POPDC1: variants seen among roughly 807,000 people sequenced by gnomAD.
POPDC1 encodes the protein popeye domain-containing protein 1.
At chr6:105,124,890 T>C in the POPDC1 span, among the ~76,000 whole-genome samples, 1 of 152,222 alleles carries the variant, frequency 6.6e-6, no homozygotes, top group Non-Finnish European at 1.5e-5. Context: ...TAGTGGTTAC[T>C]ATTGCTCTTC....
the POPDC1 span, among the ~76,000 whole-genome samples, chr6:105,110,381 G>A: frequency 6.6e-6 from 1 of 152,172 alleles, no homozygotes; most frequent in Non-Finnish European, 1.5e-5. Context: ...CCAGAAACCT[G>A]CTGCCTAATC....
chr6:105,111,807 T>G, the POPDC1 span, among the ~76,000 whole-genome samples: 1 of 152,204 alleles, frequency 6.6e-6, no homozygotes, highest in Non-Finnish European at 1.5e-5. Context: ...ACAGGTCACT[T>G]AGTTTCCCTC....
the POPDC1 span, among the ~76,000 whole-genome samples, chr6:105,117,687 G>A: frequency 2.6e-5 from 4 of 152,148 alleles, no homozygotes; most frequent in Non-Finnish European, 4.4e-5. Context: ...GCTTCATTAT[G>A]GCTTAAATCC....
chr6:105,106,569 G>A, the POPDC1 span, among the ~76,000 whole-genome samples: 3 of 152,214 alleles, frequency 2.0e-5, no homozygotes, highest in South Asian at 2.1e-4. Flanking sequence ...ATTCAGATAC[G>A]GCCAGCAGAG....
the POPDC1 span, among the ~76,000 whole-genome samples, chr6:105,123,505 A>G: frequency 6.6e-6 from 1 of 151,932 alleles, no homozygotes; most frequent in Admixed American, 6.6e-5. Flanking sequence ...GGTTCACGCC[A>G]TTCTCCTGCC....
chr6:105,115,297 T>C, the POPDC1 span, among the ~76,000 whole-genome samples: 1 of 152,110 alleles, frequency 6.6e-6, no homozygotes, highest in East Asian at 1.9e-4. Flanking sequence ...ACCGTATTAG[T>C]CAGGATGGTC....
the POPDC1 span, among the ~76,000 whole-genome samples, chr6:105,115,461 C>A: frequency 6.6e-6 from 1 of 152,206 alleles, no homozygotes; most frequent in African/African-American, 2.4e-5. Flanking sequence ...AACCAGTGAA[C>A]AATTTCAATT....
the POPDC1 span, among the ~76,000 whole-genome samples, chr6:105,104,940 C>T: frequency 6.6e-6 from 1 of 152,184 alleles, no homozygotes; most frequent in African/African-American, 2.4e-5. Context: ...AATTCACCCT[C>T]ACCACATCTG....
At chr6:105,134,223 C>T in the POPDC1 span, among the ~76,000 whole-genome samples, 2 of 151,878 alleles carry the variant, frequency 1.3e-5, no homozygotes, top group African/African-American at 4.8e-5. Flanking sequence ...CAACATGAAA[C>T]TTTTATTGTC....
chr6:105,114,406 T>C, the POPDC1 span, among the ~76,000 whole-genome samples: 10 of 152,238 alleles, frequency 6.6e-5, no homozygotes, highest in African/African-American at 2.4e-4. Flanking sequence ...ACACACCAAT[T>C]ATATGGCCTT....
the POPDC1 span, among the ~76,000 whole-genome samples, chr6:105,133,805 T>C: frequency 1.3e-5 from 2 of 152,186 alleles, no homozygotes; most frequent in Non-Finnish European, 2.9e-5. Context: ...ATTTGCCTTA[T>C]GATCAAATGA....
the POPDC1 span, among the ~76,000 whole-genome samples, chr6:105,108,285 A>G: frequency 9.9e-5 from 15 of 152,194 alleles, no homozygotes; most frequent in Admixed American, 9.2e-4. Flanking sequence ...CAGCTCAGAG[A>G]ATAATCCATC....
the POPDC1 span, among the ~76,000 whole-genome samples, chr6:105,127,807 C>T: frequency 2.0e-5 from 3 of 152,040 alleles, no homozygotes; most frequent in East Asian, 5.8e-4. Context: ...GTCACCCAGG[C>T]TGGAGTACAG....
chr6:105,136,339 G>C, the POPDC1 span: 1 of 152,226 alleles, frequency 6.6e-6, no homozygotes, highest in South Asian at 2.1e-4. Flanking sequence ...CCCAGCCATC[G>C]GCGCTCTCCC....
the POPDC1 span, among the ~76,000 whole-genome samples, chr6:105,127,892 T>A: frequency 6.6e-6 from 1 of 152,298 alleles, no homozygotes; most frequent in Admixed American, 6.5e-5. Context: ...TCTGAGTAGC[T>A]GGGACTACAG....
the POPDC1 span, chr6:105,117,005 C>T: frequency 8.1e-6 from 7 of 865,150 alleles, no homozygotes; most frequent in East Asian, 8.5e-5. Flanking sequence ...AAAAAGGAGA[C>T]TCAATGCACA....
the POPDC1 span, among the ~76,000 whole-genome samples, chr6:105,119,675 G>A: frequency 6.6e-6 from 1 of 152,342 alleles, no homozygotes; most frequent in Non-Finnish European, 1.5e-5. Context: ...CTCTGGAAAA[G>A]AGTGGGTGAA....
At chr6:105,098,277 GTCT>G in the POPDC1 span, 1 of 152,112 alleles carries the variant, frequency 6.6e-6, no homozygotes, top group Non-Finnish European at 1.5e-5. Context: ...ACACTTTTCT[GTCT>G]TCTTATCTGC....
the POPDC1 span, among the ~76,000 whole-genome samples, chr6:105,115,061 G>A: frequency 6.6e-6 from 1 of 152,240 alleles, no homozygotes; most frequent in Non-Finnish European, 1.5e-5. Flanking sequence ...ATCAAACCAT[G>A]TGGACTCTTA....
Sources: allele counts gnomAD v4.1 joint callset (sites outside exome capture counted in the v4.1 genomes callset), GRCh38; gene constraint gnomAD v4.1.1; transcripts MANE v1.5; gene names NCBI Gene and HGNC (gene_info 2026-07-23, HGNC 2026-07-21).